The following ERAP1 variants were observed in gnomAD, a reference collection of about 807,000 sequenced individuals.
ERAP1 encodes the protein endoplasmic reticulum aminopeptidase 1.
Under a neutral mutation model 103.7 loss-of-function variants are expected in ERAP1, and 86 were observed. The ratio of observed to expected loss-of-function variants is 0.83; its 90% confidence interval spans 0.70 to 0.99. The LOEUF is 0.99. Among genes scored for constraint, ERAP1 ranks in the 50% least tolerant of loss-of-function variants. ERAP1 has a pLI of 0.00. For synonymous variants in ERAP1, 398 were observed against 402.4 expected, an observed-to-expected ratio of 0.99 and a Z score of 0.13; for missense variants, 1,009 against 1,128.4, an observed-to-expected ratio of 0.89 and a Z score of 1.52.
the ERAP1 span, among the ~76,000 whole-genome samples, chr5:96,853,560 G>A: frequency 2.6e-5 from 4 of 152,200 alleles, no homozygotes; most frequent in African/African-American, 7.2e-5. Flanking sequence ...TAGGTAAGAG[G>A]ACAGCTACAA....
At chr5:96,866,480 AC>A in the ERAP1 span, among the ~76,000 whole-genome samples, 16 of 152,234 alleles carry the variant, frequency 1.1e-4, no homozygotes, top group Non-Finnish European at 1.3e-4. Flanking sequence ...ATTATAACCA[AC>A]ATTCATTAAG....
Position 96,803,521 on chromosome 5 carries a change from G to A in ERAP1, c.406C>T (p.Pro136Ser), listed in dbSNP as rs372306542. Reference sequence around the variant, plus strand: ...GGGAGCCCGACAAGGAGGGGCTCGGGAGCCAGCAGTGCAATTTGCTCCTGA... The same window carrying A: ...GGGAGCCCGACAAGGAGGGGCTCGGAAGCCAGCAGTGCAATTTGCTCCTGA... The part of the protein sequence containing the change: ...PRQEQIALLA[P>S]EPLLVGLPYT... The change falls in exon 2 of 19, where the codon CCC becomes TCC. Residue 136 changes from proline (P) to serine (S), a missense_variant. By Grantham distance (74) the Pro-to-Ser change is moderately conservative. Around this residue, in one of 3 missense-constraint regions of ERAP1, gnomAD observed 392 missense variants for 455.2 expected, o/e 0.86. Transcript: ENST00000443439. 3 of 1,613,362 alleles carry A rather than the reference G, an allele frequency of 1.9e-6. No individual in the cohort carries two copies. The highest frequency in any genetic ancestry group is 4.5e-5 in the East Asian group (2 of 44,886).
the ERAP1 span, among the ~76,000 whole-genome samples, chr5:96,857,716 G>T: frequency 1.1e-4 from 16 of 152,276 alleles, no homozygotes; most frequent in African/African-American, 3.1e-4. Flanking sequence ...TATGCCTCTT[G>T]CTTTTGAGTT....
the ERAP1 span, among the ~76,000 whole-genome samples, chr5:96,859,803 A>G: frequency 6.6e-6 from 1 of 152,322 alleles, no homozygotes; most frequent in Non-Finnish European, 1.5e-5. Context: ...TTGGCTGGCA[A>G]CTATGACTCT....
chr5:96,797,068 G>T, intron 4 of ERAP1, 107 bp downstream of exon 4: 1 of 1,329,342 alleles, frequency 7.5e-7, no homozygotes, highest in African/African-American at 1.4e-5. Flanking sequence ...GGTTTATGTT[G>T]GGTTTACACG....
At chr5:96,930,695 G>A in the ERAP1 span, among the ~76,000 whole-genome samples, 8 of 152,114 alleles carry the variant, frequency 5.3e-5, no homozygotes, top group African/African-American at 9.7e-5. Flanking sequence ...CCTCCCATAC[G>A]AAACAAGGAA....
At chr5:96,873,887 G>C in the ERAP1 span, among the ~76,000 whole-genome samples, 786 of 152,124 alleles carry the variant, frequency 5.2e-3, 6 homozygotes, top group African/African-American at 0.018. Context: ...ATAAGGAACT[G>C]ACCAAAGCTA....
At chr5:96,787,764 G>C (rs1776222571) in intron 11 of ERAP1, among the ~76,000 whole-genome samples, 1 of 96,122 alleles carries the variant, frequency 1.0e-5, no homozygotes, top group African/African-American at 3.7e-5. Flanking sequence ...TTGGGAAGAT[G>C]GGGGAGGGAG....
chr5:96,826,223 C>CTTA, the ERAP1 span, among the ~76,000 whole-genome samples: 1 of 152,224 alleles, frequency 6.6e-6, no homozygotes. Flanking sequence ...TACAACTAAA[C>CTTA]ATCTGCCAGA....
intron 2 of ERAP1, among the ~76,000 whole-genome samples, chr5:96,801,576 C>A (rs566106305): frequency 1.3e-5 from 2 of 151,614 alleles, no homozygotes; most frequent in Admixed American, 6.6e-5. Flanking sequence ...AATATGTAAT[C>A]CTAAAAATGG....
chr5:96,770,387 A>C, downstream of ERAP1: 1 of 595,566 alleles, frequency 1.7e-6, no homozygotes, highest in Non-Finnish European at 3.0e-6. Flanking sequence ...TGTTCAAAAA[A>C]AATCATGAAA....
chr5:96,912,677 G>T, the ERAP1 span: 20 of 1,610,582 alleles, frequency 1.2e-5, no homozygotes, highest in Non-Finnish European at 1.7e-5. Flanking sequence ...TTCTGTGGGT[G>T]CTCAGACAAC....
the ERAP1 span, among the ~76,000 whole-genome samples, chr5:96,827,364 A>C: frequency 1.4e-4 from 22 of 152,238 alleles, no homozygotes; most frequent in Non-Finnish European, 3.2e-4. Flanking sequence ...CCCTCTGTTT[A>C]AGAAATAAAA....
At chr5:96,873,082 G>T in the ERAP1 span, among the ~76,000 whole-genome samples, 1 of 151,974 alleles carries the variant, frequency 6.6e-6, no homozygotes, top group African/African-American at 2.4e-5. Flanking sequence ...CTAGCTACCT[G>T]GGAGGCTGAG....
the ERAP1 span, among the ~76,000 whole-genome samples, chr5:96,874,652 T>G: frequency 6.6e-6 from 1 of 152,248 alleles, no homozygotes; most frequent in South Asian, 2.1e-4. Flanking sequence ...GGGCCTTAGG[T>G]GTAGGCTACT....
In ERAP1 at chr5:96,785,914, C is replaced by A; in HGVS notation, c.1817G>T (p.Gly606Val). The A allele has an allele frequency of 6.2e-7, 1 of 1,614,146 alleles. No individual in the cohort carries two copies. The highest frequency in any genetic ancestry group is 1.1e-5 in the South Asian group (1 of 91,088). Reference sequence around the variant, plus strand: ...ATCCTCGTAATGCACAATGTAATAGCCATTCATGCCCACATTAAATTTGAT... The same window carrying A: ...ATCCTCGTAATGCACAATGTAATAGACATTCATGCCCACATTAAATTTGAT... ...EWIKFNVGMNGYYIVHYEDDG... is the reference protein window; with the variant it reads ...EWIKFNVGMNVYYIVHYEDDG... Residue 606 changes from glycine (G) to valine (V), a missense_variant, in exon 13 of 19, where the codon GGC (glycine) becomes GTC (valine). Coordinates refer to ENST00000443439, the MANE Select transcript of ERAP1 (RefSeq NM_001040458.3).
chr5:96,852,190 A>G, the ERAP1 span, among the ~76,000 whole-genome samples: 1 of 152,220 alleles, frequency 6.6e-6, no homozygotes, highest in East Asian at 1.9e-4. Context: ...TGTTATTATT[A>G]AAAAATGTTT....
the ERAP1 span, chr5:96,883,861 G>A: frequency 1.1e-5 from 18 of 1,613,842 alleles, no homozygotes; most frequent in South Asian, 2.0e-4. Flanking sequence ...ATGAACCGTT[G>A]TTCAAAGCCA....
the ERAP1 span, among the ~76,000 whole-genome samples, chr5:96,858,217 C>CTTTT: frequency 6.6e-5 from 9 of 137,118 alleles, no homozygotes; most frequent in African/African-American, 1.1e-4. Flanking sequence ...TGTTCTTCTT[C>CTTTT]TTTTTTTTTT....
Sources: gnomAD v4.1 joint callset for allele counts (sites outside exome capture counted in the v4.1 genomes callset) on GRCh38, gnomAD v4.1.1 for gene constraint, gnomAD v4.1.1 regional missense constraint, MANE v1.5 for transcripts, NCBI Gene and HGNC (gene_info 2026-07-23, HGNC 2026-07-21) for gene names.